The following WWC2 variants were observed in gnomAD, a reference collection of about 807,000 sequenced individuals.
WWC2 encodes the protein protein WWC2.
In WWC2, 101 loss-of-function variants were observed where a neutral mutation model predicts 138.5. That is an observed-to-expected ratio of 0.73 (90% CI 0.62 to 0.86). The LOEUF (loss-of-function observed/expected upper bound fraction) is 0.86. Among genes scored for constraint, WWC2 ranks in the 40% least tolerant of loss-of-function variants. WWC2 has a pLI of 0.00. For synonymous variants in WWC2, 558 were observed against 538.4 expected, an observed-to-expected ratio of 1.04 and a Z score of -0.50; for missense variants, 1,420 against 1,419.4, an observed-to-expected ratio of 1.00 and a Z score of -0.01.
At chr4:183,269,425 T>C in intron 15 of WWC2, 1 of 595,594 alleles carries the variant, frequency 1.7e-6, no homozygotes, top group Non-Finnish European at 3.2e-6. Flanking sequence ...ACAGAAGAAC[T>C]TTACCTTTGT....
At chr4:183,264,744 A>C (rs1363673816) in intron 11 of WWC2, among the ~76,000 whole-genome samples, 1 of 152,204 alleles carries the variant, frequency 6.6e-6, no homozygotes, top group Non-Finnish European at 1.5e-5. Context: ...ATATTTCAGG[A>C]CAAAGAAAAA....
chr4:183,253,796 T>G lies in WWC2; in HGVS notation c.993T>G (p.Ser331Arg). 2 of 1,613,538 alleles carry G rather than the reference T, an allele frequency of 1.2e-6. No individual in the cohort carries two copies. Among genetic ancestry groups the G allele is most frequent in the Non-Finnish European group, 8.5e-7 (1 of 1,179,774 alleles). Residue 331 changes from serine to arginine, a missense_variant, in exon 9 of 23, where the codon AGT becomes AGG. Transcript: ENST00000403733. ...AAATTGAACTGTCAAAATTGGACAG[T>G]GAGGCCTGGCCTGGGGCACTGGATA... is the stretch of plus-strand genomic sequence containing the variant. Reference protein sequence around the residue: ...NLKIELSKLDSEAWPGALDIE... With the variant: ...NLKIELSKLDREAWPGALDIE...
intron 1 of WWC2, among the ~76,000 whole-genome samples, chr4:183,142,316 C>G (rs1193884682): frequency 5.9e-5 from 9 of 152,262 alleles, no homozygotes; most frequent in African/African-American, 2.2e-4. Context: ...ACACATTTTC[C>G]TGTCTGTCCC....
chr4:183,270,530 G>A lies in WWC2; in HGVS notation c.2401-550G>A, dbSNP rs190522269. On this transcript the variant is annotated intron_variant, in intron 15 of 22. Coordinates refer to ENST00000403733, the MANE Select transcript of WWC2 (RefSeq NM_024949.6). ...TGTAATCCTAGCACTTTGGGAGGCC[G>A]AGGCAGGCAGATCACCTGAGGTCAG... 7.0e-3 allele frequency among the ~76,000 whole-genome samples: 1,072 copies of A among 152,158 alleles called. 8 individuals carry two copies. The highest frequency in any genetic ancestry group is 0.023 in the African/African-American group (967 of 41,506).
intron 4 of WWC2, among the ~76,000 whole-genome samples, chr4:183,213,922 C>T (rs1434625537): frequency 2.0e-5 from 3 of 148,272 alleles, no homozygotes; most frequent in African/African-American, 5.0e-5. Flanking sequence ...ATTCAATTGC[C>T]GTTAAAAAAA....
intron 2 of WWC2, among the ~76,000 whole-genome samples, chr4:183,204,660 A>C (rs562200237): frequency 5.9e-5 from 9 of 152,198 alleles, no homozygotes; most frequent in Admixed American, 2.6e-4. Context: ...TATTTTCACT[A>C]TACAATTCAT....
chr4:183,279,032 A>C (rs1371558999), intron 16 of WWC2, among the ~76,000 whole-genome samples: 1 of 151,978 alleles, frequency 6.6e-6, no homozygotes, highest in Non-Finnish European at 1.5e-5. Flanking sequence ...AGGAGTGGTG[A>C]GAGAGGGCAT....
intron 1 of WWC2, among the ~76,000 whole-genome samples, chr4:183,170,746 G>T (rs1367608947): frequency 1.3e-5 from 2 of 152,102 alleles, no homozygotes; most frequent in African/African-American, 2.4e-5. Context: ...CAGCCAGACT[G>T]GAGTGCAGTA....
intron 2 of WWC2, among the ~76,000 whole-genome samples, chr4:183,196,820 G>A (rs1399497952): frequency 2.6e-5 from 4 of 152,112 alleles, no homozygotes; most frequent in Non-Finnish European, 5.9e-5. Context: ...GCTTCCCACA[G>A]GCCTTCTCTG....
chr4:183,159,588 A>G (rs1420672085), intron 1 of WWC2, among the ~76,000 whole-genome samples: 1 of 152,018 alleles, frequency 6.6e-6, no homozygotes, highest in Non-Finnish European at 1.5e-5. Context: ...TATTTTCAGT[A>G]GAGACCAGTT....
At chr4:183,180,623 T>A (rs938920897) in intron 1 of WWC2, among the ~76,000 whole-genome samples, 2 of 140,514 alleles carry the variant, frequency 1.4e-5, no homozygotes, top group Non-Finnish European at 3.1e-5. Context: ...AAAATGTATC[T>A]GTGGAGTGAA....
At chr4:183,131,632 GCTTGTTTTTTAA>G (rs1297044268) in intron 1 of WWC2, among the ~76,000 whole-genome samples, 9 of 152,048 alleles carry the variant, frequency 5.9e-5, no homozygotes, top group African/African-American at 2.2e-4. Flanking sequence ...CTACTTAATT[GCTTGTTTTTTAA>G]CTGTCTTTGT....
intron 1 of WWC2, among the ~76,000 whole-genome samples, chr4:183,158,159 A>G (rs1733860122): frequency 6.6e-6 from 1 of 152,154 alleles, no homozygotes; most frequent in South Asian, 2.1e-4. Context: ...TAGGGCTTAT[A>G]GCAGAAACTT....
chr4:183,265,632 C>A, intron 12 of WWC2, 56 bp from the exon 13 acceptor site: 3 of 1,519,948 alleles, frequency 2.0e-6, no homozygotes, highest in Middle Eastern at 1.7e-4. Context: ...AAACTGTTAA[C>A]CATAACAATC....
Position 183,143,835 on chromosome 4 carries a change from A to G in WWC2, c.131+44213A>G, listed in dbSNP as rs926293608. 4.0e-5 allele frequency among the ~76,000 whole-genome samples: 6 copies of G among 151,360 alleles called. No individual in the cohort carries two copies. The East Asian group carries it at 1.3e-3, about 33-fold the overall frequency. On this transcript the variant is annotated intron_variant, in intron 1 of 22. Coordinates refer to ENST00000403733, the MANE Select transcript of WWC2 (RefSeq NM_024949.6). The stretch of plus-strand genomic sequence containing the variant: ...CTCCTCCCCGCAAAAAAAAAAATAC[A>G]CACAAACATTTTAAGGCAAGAATTA...
intron 21 of WWC2, among the ~76,000 whole-genome samples, chr4:183,297,156 A>G (rs2111092283): frequency 6.6e-6 from 1 of 151,784 alleles, no homozygotes; most frequent in African/African-American, 2.4e-5. Flanking sequence ...ATTTTTTTGT[A>G]GAAACCGGGT....
At chr4:183,268,252 A>AC (rs1737571675) in intron 14 of WWC2, among the ~76,000 whole-genome samples, 1 of 152,184 alleles carries the variant, frequency 6.6e-6, no homozygotes, top group South Asian at 2.1e-4. Context: ...AAAGGAAGTT[A>AC]CCTCACGCTC....
chr4:183,156,472 C>T (rs573382867), intron 1 of WWC2, among the ~76,000 whole-genome samples: 35 of 152,092 alleles, frequency 2.3e-4, no homozygotes, highest in African/African-American at 8.4e-4. Context: ...GCTGGGATTA[C>T]AGGCATATGC....
In WWC2 at chr4:183,257,439, A is replaced by C. The variant is rs186258768; in HGVS notation, c.1197-2200A>C. 3.9e-5 allele frequency among the ~76,000 whole-genome samples: 6 copies of C among 152,270 alleles called. No individual in the cohort carries two copies. In the East Asian group the frequency reaches 5.8e-4, roughly 15 times the overall value. On this transcript the variant is annotated intron_variant, in intron 9 of 22. Coordinates refer to ENST00000403733, the MANE Select transcript of WWC2 (RefSeq NM_024949.6). ...GAGTCAGGCAGGTGTGAAGGCCCAC[A>C]CTTCACAAAGGGCAGCTTGAAAGGG...
Sources: allele counts gnomAD v4.1 joint callset (sites outside exome capture counted in the v4.1 genomes callset), GRCh38; gene constraint gnomAD v4.1.1; transcripts MANE v1.5; gene names NCBI Gene and HGNC (gene_info 2026-07-23, HGNC 2026-07-21).